Variants in MED13L observed in about 807,000 individuals in gnomAD.
MED13L encodes mediator of RNA polymerase II transcription subunit 13-like.
Under a neutral mutation model 220.9 loss-of-function variants are expected in MED13L, and 7 were observed. The ratio of observed to expected loss-of-function variants is 0.03; its 90% CI spans 0.02 to 0.06. MED13L has a LOEUF of 0.06. MED13L is among the 10% of genes least tolerant of loss of function. MED13L has a pLI of 1.00. For synonymous variants in MED13L, 1,011 were observed against 1,015.2 expected (o/e 1.00, Z 0.08); for missense variants, 1,965 against 2,760.5 (o/e 0.71, Z 6.46).
At chr12:116,188,785 T>G (rs1881071379) in intron 2 of MED13L, among the ~76,000 whole-genome samples, 1 of 152,190 alleles carries the variant, frequency 6.6e-6, no homozygotes, top group African/African-American at 2.4e-5. Context: ...GCTGTATCTT[T>G]GTCATTTCAA....
At chr12:116,062,550 C>T (rs550502956) in intron 4 of MED13L, among the ~76,000 whole-genome samples, 326 of 144,946 alleles carry the variant, frequency 2.2e-3, no homozygotes, top group African/African-American at 8.2e-3. Context: ...TGCAGTGGCG[C>T]GATCTTGGCT....
chr12:116,145,867 A>T (rs1877461256), intron 2 of MED13L, among the ~76,000 whole-genome samples: 2 of 151,546 alleles, frequency 1.3e-5, no homozygotes, highest in Admixed American at 1.3e-4. Context: ...ATGAAGTTTA[A>T]AAAAAAATCC....
At chr12:116,203,085 G>A (rs1018675356) in intron 2 of MED13L, among the ~76,000 whole-genome samples, 2 of 152,076 alleles carry the variant, frequency 1.3e-5, no homozygotes, top group African/African-American at 4.8e-5. Flanking sequence ...AAAAACAGCG[G>A]GACCAAATTA....
chr12:116,059,361 G>A (rs919222509), intron 4 of MED13L, among the ~76,000 whole-genome samples: 1 of 151,468 alleles, frequency 6.6e-6, no homozygotes, highest in African/African-American at 2.4e-5. Flanking sequence ...TGCCTGGCCT[G>A]CTTAAACAAG....
At chr12:116,167,993 T>A (rs1879404156) in intron 2 of MED13L, among the ~76,000 whole-genome samples, 2 of 152,124 alleles carry the variant, frequency 1.3e-5, no homozygotes, top group African/African-American at 4.8e-5. Flanking sequence ...TTAAAAAAAA[T>A]AAAAATCATT....
intron 4 of MED13L, among the ~76,000 whole-genome samples, chr12:116,052,497 T>C (rs1303428297): frequency 6.6e-6 from 1 of 152,216 alleles, no homozygotes; most frequent in African/African-American, 2.4e-5. Flanking sequence ...CTGTAGAAAT[T>C]AATTCTTCAT....
intron 2 of MED13L, among the ~76,000 whole-genome samples, chr12:116,160,474 C>T (rs1878771815): frequency 6.6e-6 from 1 of 152,042 alleles, no homozygotes. Context: ...CCTGGATCTG[C>T]CTCTACTATG....
chr12:116,024,719 G>T (rs1269754456), intron 4 of MED13L, among the ~76,000 whole-genome samples: 1 of 130,790 alleles, frequency 7.6e-6, no homozygotes, highest in Non-Finnish European at 1.5e-5. Context: ...TGAATGTGAA[G>T]AAGGATTTCT....
chr12:115,961,336 C>T lies in MED13L; in HGVS notation c.6563G>A (p.Arg2188His). 6.2e-7 allele frequency: 1 copy of T among 1,614,122 alleles called. No homozygotes were observed. The highest frequency in any genetic ancestry group is 8.5e-7 in the Non-Finnish European group (1 of 1,179,978). The change falls in exon 31 of 31, where the codon CGT becomes CAT. Residue 2188 changes from arginine to histidine, a missense_variant. Around this residue, in one of 10 missense-constraint regions of MED13L, gnomAD observed 145 missense variants for 328.3 expected, o/e 0.44. Transcript: ENST00000281928. ...WLTCNPATQD[R>H]TSCLPVHFVV... Reference sequence around the variant, plus strand: ...AAAGTGGACGGGAAGGCAGGAAGTACGGTCCTGGGTGGCCGGATTGCACGT... The same window carrying T: ...AAAGTGGACGGGAAGGCAGGAAGTATGGTCCTGGGTGGCCGGATTGCACGT...
At chr12:116,252,940 A>G (rs937604441) in intron 1 of MED13L, among the ~76,000 whole-genome samples, 3 of 152,158 alleles carry the variant, frequency 2.0e-5, no homozygotes, top group South Asian at 4.1e-4. Context: ...ACAAAGAAAC[A>G]GAAAATCTGA....
intron 1 of MED13L, among the ~76,000 whole-genome samples, chr12:116,275,586 A>G (rs1873751857): frequency 6.6e-6 from 1 of 152,204 alleles, no homozygotes; most frequent in African/African-American, 2.4e-5. Flanking sequence ...AAAGGCATCT[A>G]TGCCACCCAT....
At chr12:116,037,766 T>C (rs573663206) in intron 4 of MED13L, among the ~76,000 whole-genome samples, 2 of 152,168 alleles carry the variant, frequency 1.3e-5, no homozygotes, top group Non-Finnish European at 2.9e-5. Context: ...TAATTCTCCC[T>C]GGGTACATCA....
At chr12:116,029,259 G>T (rs937541742) in intron 4 of MED13L, among the ~76,000 whole-genome samples, 42 of 147,936 alleles carry the variant, frequency 2.8e-4, no homozygotes, top group African/African-American at 1.0e-3. Flanking sequence ...AAAAAAAAAG[G>T]GGGGGGAGGG....
At chr12:116,000,546 C>T (rs1232499183) in intron 14 of MED13L, among the ~76,000 whole-genome samples, 3 of 152,140 alleles carry the variant, frequency 2.0e-5, no homozygotes, top group Non-Finnish European at 2.9e-5. Context: ...AGCACATGCC[C>T]AAGTCCCTTC....
intron 2 of MED13L, among the ~76,000 whole-genome samples, chr12:116,157,487 T>C (rs1229801568): frequency 6.6e-6 from 1 of 152,184 alleles, no homozygotes; most frequent in Non-Finnish European, 1.5e-5. Context: ...CTCAAGGATC[T>C]ACACTTTATG....
At chr12:116,040,885 T>C (rs1188707598) in intron 4 of MED13L, among the ~76,000 whole-genome samples, 2 of 151,928 alleles carry the variant, frequency 1.3e-5, no homozygotes, top group Admixed American at 1.3e-4. Flanking sequence ...ACTTGTATGA[T>C]GCATCAATTG....
At chr12:116,028,993 C>G (rs571810108) in intron 4 of MED13L, among the ~76,000 whole-genome samples, 1 of 152,174 alleles carries the variant, frequency 6.6e-6, no homozygotes, top group African/African-American at 2.4e-5. Context: ...CTTCAGGTAA[C>G]CCAACGCTGA....
At chr12:116,036,494 G>A (rs533509151) in intron 4 of MED13L, among the ~76,000 whole-genome samples, 9 of 152,246 alleles carry the variant, frequency 5.9e-5, no homozygotes, top group East Asian at 1.9e-4. Flanking sequence ...CTCACGTTGA[G>A]TTTTAGAATG....
Position 115,983,199 on chromosome 12 carries a change from T to C in MED13L, c.4873A>G (p.Arg1625Gly), listed in dbSNP as rs769363083. ...NPSTGGISAD[R>G]TQGNIGCGGD... ...CCACAGCCTATGTTCCCTTGCGTTC[T>C]ATCCGCAGAAATGCCCCCAGTGCTG... Residue 1625 changes from arginine to glycine, a missense_variant, in exon 21 of 31, where the codon AGA becomes GGA. Around this residue, in one of 10 missense-constraint regions of MED13L, gnomAD observed 510 missense variants for 620.4 expected, o/e 0.82. Transcript: ENST00000281928. 1.2e-6 allele frequency: 2 copies of C among 1,614,068 alleles called. No homozygotes were observed. Among genetic ancestry groups the C allele is most frequent in the African/African-American group, 2.7e-5 (2 of 74,938 alleles).
Sources: allele counts gnomAD v4.1 joint callset (sites outside exome capture counted in the v4.1 genomes callset), GRCh38; gene constraint gnomAD v4.1.1; regional missense constraint gnomAD v4.1.1; transcripts MANE v1.5; gene names NCBI Gene and HGNC (gene_info 2026-07-23, HGNC 2026-07-21).